ATRNL1: variants seen among roughly 807,000 people sequenced by gnomAD.
The protein encoded by ATRNL1 is attractin like 1.
In ATRNL1, 95 loss-of-function variants were observed where a neutral mutation model predicts 182.7. The observed-to-expected ratio is 0.52, with a 90% CI of 0.44 to 0.62. The LOEUF is 0.62. Among genes scored for constraint, ATRNL1 ranks in the 20% least tolerant of loss-of-function variants. The probability of loss-of-function intolerance (pLI) is 0.00; values close to 1 mark genes in which losing one functional copy is unlikely to be tolerated. For synonymous variants in ATRNL1, 576 were observed against 568.3 expected, an observed-to-expected ratio of 1.01 and a Z score of -0.19; for missense variants, 1,471 against 1,679.5, an observed-to-expected ratio of 0.88 and a Z score of 2.17.
intron 28 of ATRNL1, among the ~76,000 whole-genome samples, chr10:115,930,313 C>T (rs1953355828): frequency 6.6e-6 from 1 of 152,146 alleles, no homozygotes; most frequent in African/African-American, 2.4e-5. Flanking sequence ...CATCTGAATA[C>T]AGACCATGCT....
At chr10:115,325,451 T>C (rs1298491662) in intron 18 of ATRNL1, among the ~76,000 whole-genome samples, 3 of 152,334 alleles carry the variant, frequency 2.0e-5, no homozygotes, top group African/African-American at 4.8e-5. Context: ...TTTTCTGTAA[T>C]ATACTTTCTC....
At chr10:115,877,194 A>G (rs782814711) in intron 28 of ATRNL1, among the ~76,000 whole-genome samples, 1 of 152,238 alleles carries the variant, frequency 6.6e-6, no homozygotes, top group Non-Finnish European at 1.5e-5. Context: ...TGCTACTTGC[A>G]TTGTACTTCA....
At chr10:115,524,336 G>GT (rs201741003) in intron 25 of ATRNL1, among the ~76,000 whole-genome samples, 56 of 151,162 alleles carry the variant, frequency 3.7e-4, no homozygotes, top group Admixed American at 1.6e-3. Flanking sequence ...TGAACTAAAG[G>GT]TTTTTTTTTC....
At chr10:115,654,715 G>A (rs1419066479) in intron 26 of ATRNL1, among the ~76,000 whole-genome samples, 4 of 152,146 alleles carry the variant, frequency 2.6e-5, no homozygotes, top group Non-Finnish European at 4.4e-5. Context: ...ATGGGAAATA[G>A]GGTCATTTTT....
At chr10:115,828,925 C>T (rs1376705256) in intron 27 of ATRNL1, among the ~76,000 whole-genome samples, 2 of 152,152 alleles carry the variant, frequency 1.3e-5, no homozygotes, top group East Asian at 1.9e-4. Flanking sequence ...TCTCCAAATT[C>T]CCAATGTCAT....
chr10:115,538,450 A>G (rs1852168121), intron 25 of ATRNL1, among the ~76,000 whole-genome samples: 2 of 144,636 alleles, frequency 1.4e-5, no homozygotes, highest in East Asian at 3.9e-4. Context: ...ATGGCTAATG[A>G]CGTTGAATAT....
intron 26 of ATRNL1, among the ~76,000 whole-genome samples, chr10:115,569,841 G>A (rs35742449): frequency 0.16 from 24,811 of 151,458 alleles, 2,543 homozygotes; most frequent in South Asian, 0.24. Context: ...CCATAAACTG[G>A]GTGGCTTATA....
intron 27 of ATRNL1, among the ~76,000 whole-genome samples, chr10:115,806,054 G>C (rs1328976873): frequency 6.6e-6 from 1 of 151,934 alleles, no homozygotes; most frequent in East Asian, 1.9e-4. Flanking sequence ...ATTGATTGTG[G>C]GTAATAACCT....
intron 8 of ATRNL1, among the ~76,000 whole-genome samples, chr10:115,207,960 A>G (rs1422488883): frequency 2.0e-5 from 3 of 152,066 alleles, no homozygotes; most frequent in African/African-American, 7.2e-5. Context: ...ACTATCACAT[A>G]TCTCAAACTC....
chr10:115,794,306 T>A (rs1183781838), intron 27 of ATRNL1, among the ~76,000 whole-genome samples: 1 of 152,162 alleles, frequency 6.6e-6, no homozygotes, highest in East Asian at 1.9e-4. Context: ...CCTAATACTT[T>A]GATGTATATC....
At chr10:115,287,889 C>T (rs547081778) in intron 15 of ATRNL1, among the ~76,000 whole-genome samples, 1 of 150,368 alleles carries the variant, frequency 6.7e-6, no homozygotes, top group Admixed American at 6.6e-5. Flanking sequence ...GCCTCTAGTA[C>T]CTCTCCTCTA....
Position 115,820,663 on chromosome 10 carries a change from C to G in ATRNL1, c.3904-27214C>G, listed in dbSNP as rs558209676. Among the ~76,000 whole-genome samples the G allele has an allele frequency of 6.0e-4, 91 of 152,168 alleles. No individual in the cohort carries two copies. The South Asian group carries it at 0.016, about 27-fold the overall frequency. On this transcript the variant is annotated intron_variant, in intron 27 of 28. Transcript: ENST00000355044. ...CTATTTAGTCCGTTTTTCATAGTCTCTAGAGCACCCCTTCAGATCCTCATC... is the reference window on the plus strand; with the variant it reads ...CTATTTAGTCCGTTTTTCATAGTCTGTAGAGCACCCCTTCAGATCCTCATC...
chr10:115,815,704 A>G (rs1219543068), intron 27 of ATRNL1, among the ~76,000 whole-genome samples: 4 of 152,086 alleles, frequency 2.6e-5, no homozygotes, highest in Non-Finnish European at 4.4e-5. Context: ...TAACAAAAGT[A>G]TATGTATCCG....
chr10:115,755,352 C>G (rs1948558655), intron 27 of ATRNL1, among the ~76,000 whole-genome samples: 1 of 152,070 alleles, frequency 6.6e-6, no homozygotes, highest in South Asian at 2.1e-4. Context: ...CCATCAATAA[C>G]TAGTTTATTG....
intron 5 of ATRNL1, among the ~76,000 whole-genome samples, chr10:115,154,295 A>C (rs1554881494): frequency 6.6e-6 from 1 of 151,918 alleles, no homozygotes; most frequent in African/African-American, 2.4e-5. Flanking sequence ...GATCTGTCTA[A>C]TATTGACAGT....
At position 115,348,384 on chromosome 10, in the gene ATRNL1, T is replaced by C. The variant is rs191752314; in HGVS notation, c.3175+13965T>C. On this transcript the variant is annotated intron_variant, in intron 19 of 28. Transcript: ENST00000355044. ...ACTTTATATGTTGTATAATATATGT[T>C]CCTGGCAAATGTTAACTCCCTAATC... Among the ~76,000 whole-genome samples the C allele has an allele frequency of 7.2e-5, 11 of 152,332 alleles. No individual in the cohort carries two copies. In the East Asian group the frequency reaches 7.7e-4, roughly 11 times the overall value.
At chr10:115,743,062 T>C (rs1948184163) in intron 27 of ATRNL1, among the ~76,000 whole-genome samples, 1 of 151,876 alleles carries the variant, frequency 6.6e-6, no homozygotes, top group Non-Finnish European at 1.5e-5. Context: ...CCATCACATC[T>C]CATGAGAACT....
intron 8 of ATRNL1, among the ~76,000 whole-genome samples, chr10:115,213,454 C>T (rs550926406): frequency 6.6e-6 from 1 of 152,060 alleles, no homozygotes; most frequent in African/African-American, 2.4e-5. Context: ...ACCCAAGTAA[C>T]CTTTTGTTCT....
rs114704059 is a variant in ATRNL1 at position 115,621,033 on chromosome 10, A to G, written c.3795+71497A>G. Among the ~76,000 whole-genome samples the G allele has an allele frequency of 7.7e-3, 1,169 of 151,992 alleles. 23 individuals carry two copies. The highest frequency in any genetic ancestry group is 0.027 in the African/African-American group (1,122 of 41,446). On this transcript the variant is annotated intron_variant, in intron 26 of 28. Coordinates refer to ENST00000355044, the MANE Select transcript of ATRNL1 (RefSeq NM_207303.4). The stretch of plus-strand genomic sequence containing the variant: ...CCTTGTATCATTGGAATGCCATTAG[A>G]AAAACAATCTATGAGTGAGATTTTC...
Sources: gnomAD v4.1 joint callset for allele counts (sites outside exome capture counted in the v4.1 genomes callset) on GRCh38, gnomAD v4.1.1 for gene constraint, MANE v1.5 for transcripts, NCBI Gene and HGNC (gene_info 2026-07-23, HGNC 2026-07-21) for gene names.